NAALADL2: variants seen among roughly 807,000 people sequenced by gnomAD.
NAALADL2 encodes the protein inactive N-acetylated-alpha-linked acidic dipeptidase-like protein 2.
Under a neutral mutation model 87.2 loss-of-function variants are expected in NAALADL2, and 76 were observed. The ratio of observed to expected loss-of-function variants is 0.87; its 90% CI spans 0.72 to 1.05. NAALADL2 has a LOEUF of 1.05. NAALADL2 is among the 50% of genes least tolerant of loss of function. The pLI is 0.00. For missense variants in NAALADL2, 1,089 were observed against 945.8 expected, an observed-to-expected ratio of 1.15 and a Z score of -1.99; for synonymous variants, 354 against 331.0, an observed-to-expected ratio of 1.07 and a Z score of -0.75.
intron 6 of NAALADL2, chr3:175,460,271 A>T (rs2149259942): frequency 2.3e-6 from 1 of 442,776 alleles, no homozygotes; most frequent in South Asian, 1.6e-5. Context: ...AAATAAACAG[A>T]CTCTATGCAT....
intron 5 of NAALADL2, among the ~76,000 whole-genome samples, chr3:175,336,688 T>C (rs968615120): frequency 2.6e-5 from 4 of 152,172 alleles, no homozygotes; most frequent in African/African-American, 9.7e-5. Context: ...GTAATTAGAT[T>C]TATAATTGAA....
intron 5 of NAALADL2, among the ~76,000 whole-genome samples, chr3:175,388,072 T>A (rs994080340): frequency 2.0e-5 from 3 of 152,080 alleles, no homozygotes; most frequent in Non-Finnish European, 4.4e-5. Context: ...AGACTTTCCA[T>A]AGCTGTAACC....
intron 3 of NAALADL2, among the ~76,000 whole-genome samples, chr3:174,789,268 T>C (rs1289207279): frequency 1.3e-5 from 2 of 152,124 alleles, no homozygotes; most frequent in South Asian, 2.1e-4. Flanking sequence ...ATTGTGATAA[T>C]TTGTACTATT....
intron 4 of NAALADL2, among the ~76,000 whole-genome samples, chr3:175,314,310 T>A (rs1440412803): frequency 6.6e-6 from 1 of 151,396 alleles, no homozygotes; most frequent in East Asian, 1.9e-4. Context: ...CACCTTGCAG[T>A]TGGCCAAAAA....
intron 1 of NAALADL2, among the ~76,000 whole-genome samples, chr3:174,875,842 A>G (rs967298405): frequency 6.6e-6 from 1 of 152,164 alleles, no homozygotes; most frequent in Non-Finnish European, 1.5e-5. Flanking sequence ...TTCATTTTAC[A>G]TGGACCATTA....
intron 13 of NAALADL2, among the ~76,000 whole-genome samples, chr3:175,759,330 G>T (rs530273048): frequency 6.6e-6 from 1 of 150,816 alleles, no homozygotes; most frequent in Admixed American, 6.6e-5. Context: ...AGAAAGTATT[G>T]TCTTGTGGTA....
intron 1 of NAALADL2, among the ~76,000 whole-genome samples, chr3:174,979,874 G>A (rs965182137): frequency 3.3e-5 from 5 of 151,868 alleles, no homozygotes; most frequent in Admixed American, 2.0e-4. Flanking sequence ...CAACCATATC[G>A]ATCACTTTAC....
intron 9 of NAALADL2, among the ~76,000 whole-genome samples, chr3:175,504,707 T>G (rs954682858): frequency 2.0e-5 from 3 of 152,000 alleles, no homozygotes; most frequent in Non-Finnish European, 4.4e-5. Context: ...TTTCTGTTGT[T>G]TAATCTACTC....
intron 1 of NAALADL2, among the ~76,000 whole-genome samples, chr3:174,483,809 T>C (rs1285397904): frequency 6.6e-6 from 1 of 151,950 alleles, no homozygotes; most frequent in African/African-American, 2.4e-5. Flanking sequence ...ACTGATTTGT[T>C]CATCAAAAGA....
chr3:175,330,579 G>A (rs76075741), intron 5 of NAALADL2, among the ~76,000 whole-genome samples: 2 of 152,174 alleles, frequency 1.3e-5, no homozygotes, highest in Admixed American at 6.5e-5. Flanking sequence ...ATGACCATCA[G>A]GTTAAGGAGG....
chr3:174,907,013 T>A (rs1411529427), intron 1 of NAALADL2, among the ~76,000 whole-genome samples: 2 of 152,054 alleles, frequency 1.3e-5, no homozygotes, highest in Non-Finnish European at 2.9e-5. Context: ...TAGTAAAAAA[T>A]TTCACAGATA....
At chr3:174,515,091 G>A (rs1719861567) in intron 1 of NAALADL2, among the ~76,000 whole-genome samples, 1 of 152,234 alleles carries the variant, frequency 6.6e-6, no homozygotes, top group Non-Finnish European at 1.5e-5. Flanking sequence ...AATATTATCA[G>A]GAAGGAATCA....
intron 1 of NAALADL2, among the ~76,000 whole-genome samples, chr3:174,525,043 A>G (rs1720614271): frequency 6.6e-6 from 1 of 152,220 alleles, no homozygotes; most frequent in Non-Finnish European, 1.5e-5. Context: ...CCTACCATAT[A>G]GTCTGTGTGT....
intron 2 of NAALADL2, among the ~76,000 whole-genome samples, chr3:174,596,126 T>A (rs986909775): frequency 5.9e-5 from 9 of 152,298 alleles, no homozygotes; most frequent in Non-Finnish European, 1.0e-4. Context: ...AAGGTCACTA[T>A]AAAATCTTAT....
At chr3:175,384,503 G>GT (rs1013390495) in intron 5 of NAALADL2, among the ~76,000 whole-genome samples, 1 of 151,836 alleles carries the variant, frequency 6.6e-6, no homozygotes, top group African/African-American at 2.4e-5. Flanking sequence ...TATAAATTAG[G>GT]TTTTAGTTTC....
intron 2 of NAALADL2, among the ~76,000 whole-genome samples, chr3:175,166,027 A>G (rs1733950333): frequency 7.3e-6 from 1 of 137,894 alleles, no homozygotes; most frequent in Non-Finnish European, 1.6e-5. Flanking sequence ...TCTTGCATAT[A>G]AGGGACTCCA....
intron 2 of NAALADL2, among the ~76,000 whole-genome samples, chr3:175,150,274 A>T (rs935446614): frequency 6.6e-6 from 1 of 152,172 alleles, no homozygotes; most frequent in Non-Finnish European, 1.5e-5. Flanking sequence ...CCTATTACAA[A>T]TAAAATTTGA....
intron 12 of NAALADL2, among the ~76,000 whole-genome samples, chr3:175,746,206 C>T (rs1745904899): frequency 6.6e-6 from 1 of 151,256 alleles, no homozygotes; most frequent in South Asian, 2.1e-4. Flanking sequence ...TAGCGTCAAT[C>T]ACTTCATTTT....
intron 6 of NAALADL2, among the ~76,000 whole-genome samples, chr3:175,455,872 A>G (rs1271532526): frequency 6.6e-6 from 1 of 152,068 alleles, no homozygotes; most frequent in Non-Finnish European, 1.5e-5. Context: ...TGGAAGTCCA[A>G]TCCTAGAAGA....
Sources: allele counts gnomAD v4.1 joint callset (sites outside exome capture counted in the v4.1 genomes callset), GRCh38; gene constraint gnomAD v4.1.1; transcripts MANE v1.5; gene names NCBI Gene and HGNC (gene_info 2026-07-23, HGNC 2026-07-21).